The following C6orf120 variants were observed in gnomAD, a reference collection of about 807,000 sequenced individuals.
C6orf120 encodes UPF0669 protein C6orf120.
For synonymous variants in C6orf120, 165 were observed against 123.1 expected, an observed-to-expected ratio of 1.34 and a Z score of -2.25; for missense variants, 311 against 264.2, an observed-to-expected ratio of 1.18 and a Z score of -1.23.
At chr6:169,705,054 T>C (rs1189861007), downstream of C6orf120, 7 of 1,050,430 alleles carry the variant, frequency 6.7e-6, no homozygotes, top group Non-Finnish European at 2.8e-6. Flanking sequence ...CATGTCATGA[T>C]AGCGTTTATG....
downstream of C6orf120, chr6:169,704,979 T>C (rs1788726152): frequency 2.0e-6 from 1 of 488,474 alleles, no homozygotes; most frequent in Middle Eastern, 5.4e-4. Flanking sequence ...GATGAAAAGC[T>C]GGTGGACATG....
chr6:169,702,544 T>G, exon 1 of C6orf120: 1 of 1,612,284 alleles, frequency 6.2e-7, no homozygotes, highest in South Asian at 1.1e-5. Flanking sequence ...TCCGGGAAGC[T>G]GCGCGGACGA....
exon 1 of C6orf120, chr6:169,704,109 A>G (rs1399970307): frequency 2.6e-6 from 4 of 1,560,736 alleles, no homozygotes; most frequent in African/African-American, 1.4e-5. Context: ...AATTGTTAAT[A>G]TAGAATGAAA....
chr6:169,706,080 T>A (rs1313333063), downstream of C6orf120, among the ~76,000 whole-genome samples: 1 of 152,188 alleles, frequency 6.6e-6, no homozygotes, highest in Non-Finnish European at 1.5e-5. Flanking sequence ...GACCATTATG[T>A]GTAAGACTTA....
At chr6:169,702,220 GCCCTGC>G (rs200117070) in exon 1 of C6orf120, 93 of 686,950 alleles carry the variant, frequency 1.4e-4, no homozygotes, top group Middle Eastern at 2.5e-4. Context: ...TGCCACAGCG[GCCCTGC>G]CCCTGCCCCT....
At chr6:169,705,771 T>C (rs746568728), downstream of C6orf120, 6 of 934,468 alleles carry the variant, frequency 6.4e-6, no homozygotes, top group East Asian at 1.4e-4. Flanking sequence ...AAGAGCTTAC[T>C]ATGGGTTTAA....
chr6:169,705,850 G>A (rs1406355113), downstream of C6orf120: 9 of 640,912 alleles, frequency 1.4e-5, no homozygotes, highest in African/African-American at 1.3e-4. Flanking sequence ...CATTTTGAAA[G>A]ACAAAACTTG....
chr6:169,702,669 C>T (rs1788417566), exon 1 of C6orf120: 3 of 1,613,344 alleles, frequency 1.9e-6, no homozygotes, highest in African/African-American at 1.3e-5. Context: ...TCAGGATGCG[C>T]AGCCTCAAGG....
At position 169,702,896 on chromosome 6, in the gene C6orf120, A is replaced by T. The variant is rs147895716; in HGVS notation, c.437A>T (p.Glu146Val). The T allele has an allele frequency of 1.8e-4, 284 of 1,611,890 alleles. 2 individuals are homozygous for T. The highest frequency in any genetic ancestry group is 2.2e-4 in the Non-Finnish European group (254 of 1,179,846). Residue 146 changes from glutamate to valine, a missense_variant, in exon 1 of 1, where the codon GAG becomes GTG. Physicochemically the swap from Glu to Val is moderately radical, Grantham distance 121 (BLOSUM62 -2). Transcript: ENST00000332290. The stretch of plus-strand genomic sequence containing the variant: ...ACGGTCGAGCAGCACCCGTTCGGCG[A>T]GGCCGCCTACCCCGCCGACGGCGCA...
chr6:169,705,274 T>TA, downstream of C6orf120: 1 of 1,613,402 alleles, frequency 6.2e-7, no homozygotes, highest in Non-Finnish European at 8.5e-7. Context: ...GGGTAGGTCT[T>TA]AATCATAGAA....
At chr6:169,704,026 C>G in exon 1 of C6orf120, 2 of 1,600,662 alleles carry the variant, frequency 1.2e-6, no homozygotes, top group Non-Finnish European at 1.7e-6. Flanking sequence ...CTGTTTTTCC[C>G]CCTTCTGCCC....
At chr6:169,702,717 C>T (rs1788428979) in exon 1 of C6orf120, 1 of 1,613,538 alleles carries the variant, frequency 6.2e-7, no homozygotes, top group Non-Finnish European at 8.5e-7. Flanking sequence ...GCAGCCTGCA[C>T]CCCAGCTTCG....
At chr6:169,705,002 A>G (rs1267453533), downstream of C6orf120, 5 of 583,064 alleles carry the variant, frequency 8.6e-6, no homozygotes, top group Non-Finnish European at 1.5e-5. Flanking sequence ...CTGTATAATC[A>G]CAGCTTTGGT....
chr6:169,704,973 AAAAGCTGGTGGAC>A, downstream of C6orf120: 1 of 482,992 alleles, frequency 2.1e-6, no homozygotes, highest in South Asian at 5.9e-5. Context: ...TCTAGGGATG[AAAAGCTGGTGGAC>A]ATGACCTGTA....
downstream of C6orf120, chr6:169,704,969 G>T (rs1000023966): frequency 2.1e-6 from 1 of 476,978 alleles, no homozygotes; most frequent in Non-Finnish European, 3.8e-6. Context: ...ATTGTCTAGG[G>T]ATGAAAAGCT....
chr6:169,705,307 G>T (rs766880489), downstream of C6orf120: 5 of 1,607,338 alleles, frequency 3.1e-6, no homozygotes, highest in Non-Finnish European at 4.2e-6. Context: ...GTCATATCCA[G>T]GCAAGAAGGA....
exon 1 of C6orf120, chr6:169,702,631 C>A: frequency 1.2e-6 from 2 of 1,613,356 alleles, no homozygotes; most frequent in Non-Finnish European, 1.7e-6. Context: ...CAGCTACCTG[C>A]GGCTGAACCA....
chr6:169,702,894 C>T (rs762147040), exon 1 of C6orf120: 4 of 1,611,916 alleles, frequency 2.5e-6, no homozygotes, highest in Non-Finnish European at 3.4e-6. Flanking sequence ...ACCCGTTCGG[C>T]GAGGCCGCCT....
At chr6:169,702,591 C>G (rs749971321) in exon 1 of C6orf120, 59 of 1,613,100 alleles carry the variant, frequency 3.7e-5, no homozygotes, top group Non-Finnish European at 4.8e-5. Flanking sequence ...TCCTGCACGT[C>G]GTCCAGGGCC....
Sources: gnomAD v4.1 joint callset for allele counts (sites outside exome capture counted in the v4.1 genomes callset) on GRCh38, gnomAD v4.1.1 for gene constraint, MANE v1.5 for transcripts, NCBI Gene and HGNC (gene_info 2026-07-23, HGNC 2026-07-21) for gene names.